The following MAN1A1 variants were observed in gnomAD, a reference collection of about 807,000 sequenced individuals.
The protein encoded by MAN1A1 is mannosyl-oligosaccharide 1,2-alpha-mannosidase IA.
In MAN1A1, 29 loss-of-function variants were observed where a neutral mutation model predicts 70.8. The observed-to-expected ratio is 0.41, with a 90% CI of 0.31 to 0.56. MAN1A1 has a LOEUF of 0.56. MAN1A1 is among the 20% of genes least tolerant of loss of function. The pLI is 0.29. For missense variants in MAN1A1, 747 were observed against 841.3 expected (o/e 0.89, Z 1.39); for synonymous variants, 349 against 330.1 (o/e 1.06, Z -0.62).
At position 119,179,516 on chromosome 6, in the gene MAN1A1, GC is replaced by G. The variant is rs1773091456; in HGVS notation, c.*302del. On this transcript the variant is annotated 3_prime_UTR_variant, in exon 13 of 13. Coordinates refer to ENST00000368468, the MANE Select transcript of MAN1A1 (RefSeq NM_005907.4). ...ATCAAATTATAATTAAGAGGTCATC[GC>G]TATACAATTCTATTCAGTTTAACAA... 5.4e-6 allele frequency: 1 copy of G among 183,788 alleles called. No individual in the cohort carries two copies. Among genetic ancestry groups the G allele is most frequent in the African/African-American group, 2.3e-5 (1 of 42,728 alleles). 11.4% of individuals were successfully genotyped at this position (183,788 alleles called of 1,614,324 possible).
chr6:119,288,944 A>G (rs1307596577), intron 5 of MAN1A1, among the ~76,000 whole-genome samples: 1 of 151,824 alleles, frequency 6.6e-6, no homozygotes, highest in Non-Finnish European at 1.5e-5. Flanking sequence ...TTGCAATGGA[A>G]GTGTTCTTTG....
intron 6 of MAN1A1, among the ~76,000 whole-genome samples, chr6:119,220,546 T>C (rs779150634): frequency 1.3e-5 from 2 of 152,162 alleles, no homozygotes; most frequent in Non-Finnish European, 2.9e-5. Flanking sequence ...CTTCTTTAAA[T>C]GAGGACACTA....
chr6:119,328,023 A>G (rs1773201209), intron 2 of MAN1A1, among the ~76,000 whole-genome samples: 1 of 152,194 alleles, frequency 6.6e-6, no homozygotes, highest in Non-Finnish European at 1.5e-5. Flanking sequence ...AGCCTGGGCC[A>G]GCTGACAGCT....
chr6:119,346,264 T>C (rs1773725668), intron 2 of MAN1A1, among the ~76,000 whole-genome samples: 1 of 152,214 alleles, frequency 6.6e-6, no homozygotes, highest in South Asian at 2.1e-4. Flanking sequence ...CTCTTGCCTC[T>C]CTAAAGCCAA....
chr6:119,314,129 G>A (rs1460434597), intron 2 of MAN1A1, among the ~76,000 whole-genome samples: 3 of 152,178 alleles, frequency 2.0e-5, no homozygotes, highest in Non-Finnish European at 4.4e-5. Flanking sequence ...AGCTCTGTGA[G>A]GAGCTTCTAT....
At chr6:119,327,122 A>G (rs1193937214) in intron 2 of MAN1A1, among the ~76,000 whole-genome samples, 1 of 152,208 alleles carries the variant, frequency 6.6e-6, no homozygotes, top group Non-Finnish European at 1.5e-5. Context: ...CTTAAAGAGC[A>G]ACCTGGATTA....
At chr6:119,242,104 A>G (rs1775027037) in intron 6 of MAN1A1, among the ~76,000 whole-genome samples, 1 of 138,978 alleles carries the variant, frequency 7.2e-6, no homozygotes, top group Non-Finnish European at 1.6e-5. Context: ...AAACAGGGCT[A>G]TGTGGCTATT....
intron 5 of MAN1A1, among the ~76,000 whole-genome samples, chr6:119,266,180 A>G (rs1026047152): frequency 7.2e-5 from 11 of 152,192 alleles, no homozygotes; most frequent in Non-Finnish European, 1.6e-4. Flanking sequence ...GTTCTTCCCA[A>G]CTTGGAATAA....
chr6:119,192,147 T>C (rs1773459005), intron 9 of MAN1A1, among the ~76,000 whole-genome samples: 1 of 152,164 alleles, frequency 6.6e-6, no homozygotes, highest in South Asian at 2.1e-4. Flanking sequence ...CAAATAATAT[T>C]TTAAAGCTGT....
chr6:119,290,875 G>T, intron 4 of MAN1A1, 112 bp from the exon 5 acceptor site: 1 of 671,132 alleles, frequency 1.5e-6, no homozygotes, highest in Non-Finnish European at 2.6e-6. Flanking sequence ...CTTGCCCAGA[G>T]AAGTTTATAT....
rs1485006037 is a variant in MAN1A1 at position 119,193,875 on chromosome 6, C to T, written c.1228G>A (p.Gly410Arg). The change falls in exon 9 of 13, where the codon GGA (glycine) becomes AGA (arginine). Residue 410 changes from glycine (G) to arginine (R), a missense_variant. Gly to Arg is a moderately radical substitution (Grantham distance 125, BLOSUM62 -2). This residue lies in a region of MAN1A1 where 419 missense variants were observed against 548.2 expected (regional missense o/e 0.76). Transcript: ENST00000368468. ...TACTCATAGAAGCTGTCTCCAAGTC[C>T]TCCAACTGATACATGATCTGGAAAG... The part of the protein sequence containing the change: ...QWGQHHVSVG[G>R]LGDSFYEYLL... The T allele has an allele frequency of 6.2e-7, 1 of 1,608,970 alleles. No homozygotes were observed. The highest frequency in any genetic ancestry group is 8.5e-7 in the Non-Finnish European group (1 of 1,175,898).
rs1306728298 is a variant in MAN1A1 at position 119,177,696 on chromosome 6, C to T, written c.*2123G>A. ...TTTGGGACTTTTGTTAAAAAAAAAT[C>T]CAAGTTCTAGAATTGCAAAAACTTC... On this transcript the variant is annotated 3_prime_UTR_variant, in exon 13 of 13. Coordinates refer to ENST00000368468, the MANE Select transcript of MAN1A1 (RefSeq NM_005907.4). 1 of 151,906 alleles carries T rather than the reference C, an allele frequency of 6.6e-6. No individual in the cohort carries two copies. Among genetic ancestry groups the T allele is most frequent in the African/African-American group, 2.4e-5 (1 of 41,374 alleles). The allele number at this position is 151,906 out of a possible 1,614,324, so 9.4% of individuals were successfully genotyped here. A position where few individuals can be genotyped will look rare whatever the true frequency, so the allele number is the denominator to read the frequency against.
intron 4 of MAN1A1, among the ~76,000 whole-genome samples, chr6:119,295,344 T>A (rs1321234357): frequency 6.6e-6 from 1 of 152,162 alleles, no homozygotes; most frequent in Non-Finnish European, 1.5e-5. Flanking sequence ...TTTCACTAAG[T>A]GAAATAACAG....
At chr6:119,257,082 C>T (rs72962518) in intron 5 of MAN1A1, among the ~76,000 whole-genome samples, 15,469 of 151,876 alleles carry the variant, frequency 0.1, 977 homozygotes, top group Non-Finnish European at 0.14. Flanking sequence ...AGGTTGAAGA[C>T]GTGACACTTA....
At chr6:119,316,870 T>C (rs1163112308) in intron 2 of MAN1A1, among the ~76,000 whole-genome samples, 4 of 151,892 alleles carry the variant, frequency 2.6e-5, no homozygotes, top group African/African-American at 9.7e-5. Context: ...TCGATGAAAA[T>C]GAATTAGCTT....
At chr6:119,239,700 T>C (rs1169033773) in intron 6 of MAN1A1, among the ~76,000 whole-genome samples, 2 of 152,242 alleles carry the variant, frequency 1.3e-5, no homozygotes, top group Admixed American at 1.3e-4. Flanking sequence ...GAAAGGTTTG[T>C]CCCACAATAA....
chr6:119,348,272 C>G (rs1170081616), intron 2 of MAN1A1, among the ~76,000 whole-genome samples, 191 bp downstream of exon 2: 1 of 152,246 alleles, frequency 6.6e-6, no homozygotes, highest in South Asian at 2.1e-4. Context: ...GACCTTAGAT[C>G]TTACTGGACA....
chr6:119,322,788 T>G (rs1412507911), intron 2 of MAN1A1, among the ~76,000 whole-genome samples: 1 of 152,212 alleles, frequency 6.6e-6, no homozygotes, highest in African/African-American at 2.4e-5. Context: ...CATAAGGCTC[T>G]GAATTAGGAA....
chr6:119,268,664 G>A lies in MAN1A1; in HGVS notation c.898-20310C>T, dbSNP rs2299883. Among the ~76,000 whole-genome samples, 5 of 151,974 alleles carry A rather than the reference G, an allele frequency of 3.3e-5. No homozygotes were observed. In the Middle Eastern group the frequency reaches 0.014, roughly 414 times the overall value. The stretch of plus-strand genomic sequence containing the variant: ...TGTAGTGGTGCAATTTTGGCTCACT[G>A]CAGCCTTGACCTCCCGGGCTTAGGT... On this transcript the variant is annotated intron_variant, in intron 5 of 12. Transcript: ENST00000368468.
Sources: allele counts gnomAD v4.1 joint callset (sites outside exome capture counted in the v4.1 genomes callset), GRCh38; gene constraint gnomAD v4.1.1; regional missense constraint gnomAD v4.1.1; transcripts MANE v1.5; gene names NCBI Gene and HGNC (gene_info 2026-07-23, HGNC 2026-07-21).